Variants in PRPF38B observed in about 807,000 individuals in gnomAD.
PRPF38B encodes the protein pre-mRNA-splicing factor 38B.
In PRPF38B, 18 loss-of-function variants were observed where a neutral mutation model predicts 67.2. That is an observed-to-expected ratio of 0.27 (90% CI 0.19 to 0.40). PRPF38B has a LOEUF of 0.40. Ranked by LOEUF, PRPF38B falls within the 10% of genes least tolerant of loss-of-function variation. The probability of loss-of-function intolerance (pLI) is 1.00; values close to 1 mark genes in which losing one functional copy is unlikely to be tolerated. For synonymous variants in PRPF38B, 246 were observed against 234.2 expected (o/e 1.05, Z -0.46); for missense variants, 544 against 684.9 (o/e 0.79, Z 2.30).
chr1:108,699,170 G>A lies in PRPF38B; in HGVS notation c.791G>A (p.Arg264Lys). The A allele has an allele frequency of 6.2e-7, 1 of 1,604,910 alleles. No individual in the cohort carries two copies. Among genetic ancestry groups the A allele is most frequent in the Non-Finnish European group, 8.5e-7 (1 of 1,176,126 alleles). Reference sequence around the variant, plus strand: ...CCCTCCGCCTTCCTTAGGTCTCCAAGGAGATCTCTGAGTCCACGGAGGTCC... The same window carrying A: ...CCCTCCGCCTTCCTTAGGTCTCCAAAGAGATCTCTGAGTCCACGGAGGTCC... ...HVERRRSRSP[R>K]RSLSPRRSPR... The change falls in exon 6 of 6, where the codon AGG becomes AAG. Residue 264 changes from arginine (R) to lysine (K), a missense_variant. By Grantham distance (26) the Arg-to-Lys change is conservative. Coordinates refer to ENST00000370025, the MANE Select transcript of PRPF38B (RefSeq NM_018061.4).
chr1:108,695,283 C>G (rs1659761346), intron 1 of PRPF38B, among the ~76,000 whole-genome samples: 1 of 152,000 alleles, frequency 6.6e-6, no homozygotes, highest in Non-Finnish European at 1.5e-5. Flanking sequence ...ATACTTTTTG[C>G]TTTAAATTGG....
chr1:108,696,937 G>A, intron 4 of PRPF38B: 1 of 550,940 alleles, frequency 1.8e-6, no homozygotes, highest in South Asian at 2.4e-5. Context: ...TGTAATTCGA[G>A]TCTCCCTAAT....
chr1:108,695,392 C>T (rs557546233), intron 1 of PRPF38B, among the ~76,000 whole-genome samples: 7 of 152,174 alleles, frequency 4.6e-5, no homozygotes, highest in African/African-American at 1.4e-4. Flanking sequence ...TTTTTGCAAC[C>T]AAGTGAGACT....
chr1:108,696,981 G>C, intron 4 of PRPF38B: 1 of 539,050 alleles, frequency 1.9e-6, no homozygotes, highest in South Asian at 2.4e-5. Flanking sequence ...GATTTAAATC[G>C]TGTATGCATT....
intron 4 of PRPF38B, chr1:108,696,591 C>T (rs529194921): frequency 2.8e-4 from 169 of 607,028 alleles, no homozygotes; most frequent in Middle Eastern, 4.3e-4. Flanking sequence ...ATTTTCTCTT[C>T]TTAATTATGT....
chr1:108,692,930 G>C, intron 1 of PRPF38B, 63 bp downstream of exon 1: 14 of 1,531,706 alleles, frequency 9.1e-6, no homozygotes, highest in Non-Finnish European at 1.2e-5. Context: ...GGAGGAAACG[G>C]GCGAAGGCGG....
In PRPF38B at chr1:108,698,609, A is replaced by G. The variant is rs765580045; in HGVS notation, c.564A>G (p.Leu188=). Residue 188 remains leucine (L), a synonymous_variant, in exon 5 of 6, where the codon CTA becomes CTG. Coordinates refer to ENST00000370025, the MANE Select transcript of PRPF38B (RefSeq NM_018061.4). ...FESFLDDEED[L]DVKAGGGCVM... is the part of the protein sequence containing the mutation. ...TATCTTTTGTGTTTCTGTAGGACCT[A>G]GATGTGAAGGCTGGTGGAGGCTGTG... The G allele has an allele frequency of 6.2e-7, 1 of 1,606,898 alleles. No homozygotes were observed.
At chr1:108,697,486 C>T (rs1256009636) in intron 4 of PRPF38B, 3 of 134,068 alleles carry the variant, frequency 2.2e-5, no homozygotes, top group African/African-American at 8.7e-5. Flanking sequence ...ATTACATGCA[C>T]ACCTAAAAAA....
rs1030128231 is a variant in PRPF38B at position 108,700,296 on chromosome 1, T to G, written c.*276T>G. On this transcript the variant is annotated 3_prime_UTR_variant, in exon 6 of 6. Coordinates refer to ENST00000370025, the MANE Select transcript of PRPF38B (RefSeq NM_018061.4). ...ACAGTCTGTACATATGTCCTGAAAA[T>G]GTTTTAATTCCTTTGGCATGGTTGC... 32 of 347,448 alleles carry G rather than the reference T, an allele frequency of 9.2e-5. No individual in the cohort carries two copies. Among genetic ancestry groups the G allele is most frequent in the African/African-American group, 6.6e-4 (31 of 47,042 alleles). The allele number at this position is 347,448 out of a possible 1,614,324, so 21.5% of individuals were successfully genotyped here.
At chr1:108,693,559 A>C (rs1244687423) in intron 1 of PRPF38B, 5 of 972,838 alleles carry the variant, frequency 5.1e-6, no homozygotes, top group Non-Finnish European at 6.1e-6. Context: ...TCCTCACTGC[A>C]CTCTTGTCTC....
At chr1:108,698,078 A>G (rs764029253) in intron 4 of PRPF38B, 113 of 152,352 alleles carry the variant, frequency 7.4e-4, no homozygotes, top group Admixed American at 1.6e-3. Context: ...TTATTTGTTC[A>G]TTTATTTATT....
Position 108,701,053 on chromosome 1 carries a change from G to A in PRPF38B, c.*1033G>A, listed in dbSNP as rs961310876. On this transcript the variant is annotated 3_prime_UTR_variant, in exon 6 of 6. Coordinates refer to ENST00000370025, the MANE Select transcript of PRPF38B (RefSeq NM_018061.4). ...GTTTTTAAACTTAATCTAGAACAGA[G>A]GAGTATTAAAAGTAATGCTGTGCTG... 2 of 152,510 alleles carry A rather than the reference G, an allele frequency of 1.3e-5. No homozygotes were observed. Among genetic ancestry groups the A allele is most frequent in the African/African-American group, 4.8e-5 (2 of 41,384 alleles). 9.4% of individuals were successfully genotyped at this position (152,510 alleles called of 1,614,324 possible). A position where few individuals can be genotyped will look rare whatever the true frequency, so the allele number is the denominator to read the frequency against.
At position 108,700,201 on chromosome 1, in the gene PRPF38B, A is replaced by T; in HGVS notation, c.*181A>T. 1 of 1,104,382 alleles carries T rather than the reference A, an allele frequency of 9.1e-7. No homozygotes were observed. Among genetic ancestry groups the T allele is most frequent in the Non-Finnish European group, 1.2e-6 (1 of 825,164 alleles). The allele number at this position is 1,104,382 out of a possible 1,614,324, so 68.4% of individuals were successfully genotyped here. ...TTCCATTTATTGCATTGGTGTTTTC[A>T]CCCAATTGTTAAGTTTGATACATGA... On this transcript the variant is annotated 3_prime_UTR_variant, in exon 6 of 6. Coordinates refer to ENST00000370025, the MANE Select transcript of PRPF38B (RefSeq NM_018061.4).
chr1:108,697,595 A>C (rs1158089459), intron 4 of PRPF38B: 8 of 151,748 alleles, frequency 5.3e-5, no homozygotes, highest in Admixed American at 5.2e-4. Context: ...AGAAGAAGCA[A>C]AACGTGTTTT....
Position 108,702,170 on chromosome 1 carries a change from G to C in PRPF38B, c.*2150G>C, listed in dbSNP as rs772840431. 6.6e-6 allele frequency among the ~76,000 whole-genome samples: 1 copy of C among 152,186 alleles called. No homozygotes were observed. The highest frequency in any genetic ancestry group is 1.5e-5 in the Non-Finnish European group (1 of 68,030). ...GAGACGGGCCTGGCTCTGTCACCCAGACTGGAGTGCAGTGGTGCAATCTCT... is the reference window on the plus strand; with the variant it reads ...GAGACGGGCCTGGCTCTGTCACCCACACTGGAGTGCAGTGGTGCAATCTCT... On this transcript the variant is annotated 3_prime_UTR_variant, in exon 6 of 6. Coordinates refer to ENST00000370025, the MANE Select transcript of PRPF38B (RefSeq NM_018061.4).
In PRPF38B at chr1:108,695,687, C is replaced by T; in HGVS notation, c.277-15C>T. 6.2e-7 allele frequency: 1 copy of T among 1,613,182 alleles called. No homozygotes were observed. The highest frequency in any genetic ancestry group is 8.5e-7 in the Non-Finnish European group (1 of 1,179,466). The stretch of plus-strand genomic sequence containing the variant: ...AAGTATGAATGTTTGTTGTGTTCCT[C>T]TTTTCTATTTTCAGGTCACGCACGT... On this transcript the variant is annotated splice_polypyrimidine_tract_variant and intron_variant, in intron 1 of 5. Coordinates refer to ENST00000370025, the MANE Select transcript of PRPF38B (RefSeq NM_018061.4).
At chr1:108,698,565 CT>C (rs577281211) in intron 4 of PRPF38B, 38 bp from the exon 5 acceptor site, 36 of 1,420,130 alleles carry the variant, frequency 2.5e-5, no homozygotes, top group East Asian at 1.6e-4. Flanking sequence ...TATGGAAATA[CT>C]TTTTTTGACG....
At position 108,699,730 on chromosome 1, in the gene PRPF38B, A is replaced by G; in HGVS notation, c.1351A>G (p.Arg451Gly). The G allele has an allele frequency of 6.2e-7, 1 of 1,613,632 alleles. No homozygotes were observed. The highest frequency in any genetic ancestry group is 1.1e-5 in the South Asian group (1 of 90,956). The change falls in exon 6 of 6, where the codon AGA becomes GGA. Residue 451 changes from arginine (R) to glycine (G), a missense_variant. Around this residue, in one of 5 missense-constraint regions of PRPF38B, gnomAD observed 387 missense variants for 386.1 expected, o/e 1.00. Transcript: ENST00000370025. ...SRNAGKRSRS[R>G]SKEKSSKHKN... is the part of the protein sequence containing the mutation. ...AAATGCAGGGAAACGAAGTAGAAGT[A>G]GAAGCAAAGAGAAATCAAGTAAACA...
chr1:108,699,684 C>A lies in PRPF38B; in HGVS notation c.1305C>A (p.His435Gln), dbSNP rs369608882. The A allele has an allele frequency of 2.5e-6, 4 of 1,594,112 alleles. No individual in the cohort carries two copies. Among genetic ancestry groups the A allele is most frequent in the African/African-American group, 2.7e-5 (2 of 73,978 alleles). ...GAAGCAGAAGCAGAGAAAGGAAACA[C>A]AGAAGTAGGAGTCGAAGTAGAAATG... is the stretch of plus-strand genomic sequence containing the variant. ...HSRSRSRERK[H>Q]RSRSRSRNAG... The change falls in exon 6 of 6, where the codon CAC (histidine) becomes CAA (glutamine). Residue 435 changes from histidine to glutamine, a missense_variant. His to Gln is a conservative substitution (Grantham distance 24). Transcript: ENST00000370025.
Sources: gnomAD v4.1 joint callset for allele counts (sites outside exome capture counted in the v4.1 genomes callset) on GRCh38, gnomAD v4.1.1 for gene constraint, gnomAD v4.1.1 regional missense constraint, MANE v1.5 for transcripts, NCBI Gene and HGNC (gene_info 2026-07-23, HGNC 2026-07-21) for gene names.